Variants in FXYD5 observed in about 807,000 individuals in gnomAD.
The protein encoded by FXYD5 is FXYD domain-containing ion transport regulator 5.
FXYD5 carries 21 observed loss-of-function variants against 25.7 expected under a neutral mutation model. The observed-to-expected ratio is 0.82, with a 90% confidence interval of 0.58 to 1.18. FXYD5 has a LOEUF of 1.18. Ranked by LOEUF, FXYD5 falls within the 50% of genes most tolerant of loss-of-function variation. The probability of loss-of-function intolerance (pLI) is 0.00; values close to 1 mark genes in which losing one functional copy is unlikely to be tolerated. For synonymous variants in FXYD5, 101 were observed against 90.7 expected (o/e 1.11, Z -0.64); for missense variants, 229 against 227.7 (o/e 1.01, Z -0.04).
chr19:35,162,233 G>A lies in FXYD5; in HGVS notation c.292+1432G>A, dbSNP rs568548335. Among the ~76,000 whole-genome samples, 173 of 152,270 alleles carry A rather than the reference G, an allele frequency of 1.1e-3. 1 individual carries two copies. The highest frequency in any genetic ancestry group is 1.9e-3 in the Non-Finnish European group (131 of 68,014). On this transcript the variant is annotated intron_variant, in intron 5 of 8. Transcript: ENST00000392219. The stretch of plus-strand genomic sequence containing the variant: ...TGAGCCTCTGGGTTGCCTAGAGGCT[G>A]GGCATGAAAGCCCCCAGGGCCTCTC...
At chr19:35,158,472 A>G (rs2065377303) in intron 4 of FXYD5, 72 bp downstream of exon 4, 3 of 933,814 alleles carry the variant, frequency 3.2e-6, no homozygotes, top group Admixed American at 3.4e-5. Context: ...CTCTGACACT[A>G]TAGGTCTTTG....
At chr19:35,168,832 G>A (rs1052979515) in intron 8 of FXYD5, among the ~76,000 whole-genome samples, 10 of 152,212 alleles carry the variant, frequency 6.6e-5, no homozygotes, top group African/African-American at 2.4e-4. Flanking sequence ...GGAGGCTGAG[G>A]CAGGTGGATC....
intron 4 of FXYD5, chr19:35,159,556 G>A (rs763142834): frequency 1.0e-5 from 16 of 1,550,588 alleles, no homozygotes. Context: ...ACTTCTTGAT[G>A]AACATGTTGG....
chr19:35,160,832 C>T (rs774145928), intron 5 of FXYD5, 31 bp downstream of exon 5: 45 of 1,409,244 alleles, frequency 3.2e-5, no homozygotes, highest in African/African-American at 1.8e-4. Flanking sequence ...CAGCAGCCTA[C>T]GATTTTTGTT....
In FXYD5 at chr19:35,159,369, T is replaced by G. The variant is rs1030770468; in HGVS notation, c.199+969T>G. On this transcript the variant is annotated intron_variant, in intron 4 of 8. Transcript: ENST00000392219. ...TTACTTGGAGAAAATGCACTGACTG[T>G]GTGCTGTGTTTGTGTGAGCTTAAGG... is the stretch of plus-strand genomic sequence containing the variant. 52 of 1,172,752 alleles carry G rather than the reference T, an allele frequency of 4.4e-5. No individual in the cohort carries two copies. The African/African-American group carries it at 7.9e-4, about 18-fold the overall frequency. 72.6% of individuals were successfully genotyped at this position (1,172,752 alleles called of 1,614,324 possible).
At chr19:35,165,805 G>A (rs2065445109) in intron 6 of FXYD5, among the ~76,000 whole-genome samples, 1 of 152,134 alleles carries the variant, frequency 6.6e-6, no homozygotes, top group African/African-American at 2.4e-5. Flanking sequence ...AAACCAGGGA[G>A]GGCCCCACTG....
intron 5 of FXYD5, among the ~76,000 whole-genome samples, chr19:35,162,348 T>C (rs2065413858): frequency 6.6e-6 from 1 of 152,194 alleles, no homozygotes; most frequent in South Asian, 2.1e-4. Flanking sequence ...AGACTTCACC[T>C]AGGGTTTTAA....
At chr19:35,159,889 A>G (rs944614586) in intron 4 of FXYD5, 4 of 412,036 alleles carry the variant, frequency 9.7e-6, no homozygotes, top group African/African-American at 8.3e-5. Context: ...GGCAAAGGAC[A>G]TGCATGCTTA....
At chr19:35,159,382 T>C in intron 4 of FXYD5, 2 of 1,292,184 alleles carry the variant, frequency 1.5e-6, no homozygotes, top group Non-Finnish European at 2.1e-6. Context: ...GCTGTGTTTG[T>C]GTGAGCTTAA....
At position 35,157,060 on chromosome 19, in the gene FXYD5, G is replaced by T. The variant is rs1353705051; in HGVS notation, c.62-361G>T. 4 of 224,432 alleles carry T rather than the reference G, an allele frequency of 1.8e-5. No homozygotes were observed. In the South Asian group the frequency reaches 2.4e-4, roughly 13 times the overall value. The allele number at this position is 224,432 out of a possible 1,614,324, so 13.9% of individuals were successfully genotyped here. A position where few individuals can be genotyped will look rare whatever the true frequency, so the allele number is the denominator to read the frequency against. Reference sequence around the variant, plus strand: ...TGAAGTAGATTCAGTTATTATCCCTGCTTTGCAGATGAAGCAACTGAGGCT... The same window carrying T: ...TGAAGTAGATTCAGTTATTATCCCTTCTTTGCAGATGAAGCAACTGAGGCT... On this transcript the variant is annotated intron_variant, in intron 2 of 8. Transcript: ENST00000392219.
At chr19:35,161,758 G>A (rs2451993) in intron 5 of FXYD5, among the ~76,000 whole-genome samples, 29,222 of 152,222 alleles carry the variant, frequency 0.19, 2,921 homozygotes, top group Middle Eastern at 0.31. Flanking sequence ...TAATGCCTGC[G>A]TGATGATCCT....
intron 5 of FXYD5, among the ~76,000 whole-genome samples, chr19:35,163,626 T>C (rs912474342): frequency 1.3e-5 from 2 of 151,942 alleles, no homozygotes; most frequent in Admixed American, 6.6e-5. Context: ...GGATTACAGG[T>C]GTGTGCCACC....
chr19:35,160,669 C>T, intron 4 of FXYD5, 40 bp from the exon 5 acceptor site: 1 of 1,392,782 alleles, frequency 7.2e-7, no homozygotes, highest in South Asian at 1.2e-5. Flanking sequence ...CCCAGTGACT[C>T]TTTCTTATCC....
At chr19:35,160,903 A>T (rs2073948) in intron 5 of FXYD5, 102 bp downstream of exon 5, 54,612 of 736,614 alleles carry the variant, frequency 0.074, 3,099 homozygotes, top group East Asian at 0.27. Context: ...TGTTTGGGGA[A>T]TTGTTAATAC....
chr19:35,157,689 T>G (rs1224836592), intron 3 of FXYD5, 188 bp downstream of exon 3: 2 of 475,116 alleles, frequency 4.2e-6, no homozygotes, highest in Admixed American at 3.5e-5. Context: ...CACCTCTTGG[T>G]TCTGTTTTCT....
At chr19:35,159,323 T>C (rs1028867507) in intron 4 of FXYD5, among the ~76,000 whole-genome samples, 9 of 152,220 alleles carry the variant, frequency 5.9e-5, no homozygotes, top group Admixed American at 1.3e-4. Flanking sequence ...AGGTCCCCAG[T>C]GATACCACAT....
Position 35,164,169 on chromosome 19 carries a change from T to C in FXYD5, c.306T>C (p.Asp102=). 1 of 1,614,060 alleles carries C rather than the reference T, an allele frequency of 6.2e-7. No individual in the cohort carries two copies. Among genetic ancestry groups the C allele is most frequent in the Non-Finnish European group, 8.5e-7 (1 of 1,180,004 alleles). The change falls in exon 6 of 9, where the codon GAT becomes GAC. Residue 102 remains aspartate, a synonymous_variant. Coordinates refer to ENST00000392219, the MANE Select transcript of FXYD5 (RefSeq NM_014164.6). Reference sequence around the variant, plus strand: ...CCACTCTCTCAGCTCATCCCACTGATGACACCACGACGCTCTCTGAGAGAC... The same window carrying C: ...CCACTCTCTCAGCTCATCCCACTGACGACACCACGACGCTCTCTGAGAGAC... ...HKSTKAAHPT[D]DTTTLSERPS...
intron 4 of FXYD5, 24 bp downstream of exon 4, chr19:35,158,424 C>T (rs753470654): frequency 3.3e-5 from 47 of 1,421,766 alleles, no homozygotes; most frequent in Non-Finnish European, 4.5e-5. Flanking sequence ...GGGCAGGCGG[C>T]GGGGACAGGA....
chr19:35,159,511 A>G, intron 4 of FXYD5: 1 of 1,550,144 alleles, frequency 6.5e-7, no homozygotes, highest in South Asian at 1.2e-5. Context: ...CTGGTATTCC[A>G]CAAGGCGCCT....
Sources: allele counts gnomAD v4.1 joint callset (sites outside exome capture counted in the v4.1 genomes callset), GRCh38; gene constraint gnomAD v4.1.1; transcripts MANE v1.5; gene names NCBI Gene and HGNC (gene_info 2026-07-23, HGNC 2026-07-21).